Variants in MBD5 observed in about 807,000 individuals in gnomAD.
MBD5 encodes methyl-CpG-binding domain protein 5.
Under a neutral mutation model 117.3 loss-of-function variants are expected in MBD5, and 13 were observed. That is an observed-to-expected ratio of 0.11 (90% CI 0.07 to 0.18). MBD5 has a LOEUF of 0.18. Among genes scored for constraint, MBD5 ranks in the 10% least tolerant of loss-of-function variants. The pLI, the probability that MBD5 is intolerant of heterozygous loss-of-function variation, is 1.00. For synonymous variants in MBD5, 727 were observed against 766.4 expected, an observed-to-expected ratio of 0.95 and a Z score of 0.85; for missense variants, 1,879 against 2,093.8, an observed-to-expected ratio of 0.90 and a Z score of 2.00.
intron 3 of MBD5, among the ~76,000 whole-genome samples, chr2:148,297,075 G>C (rs555193692): frequency 7.3e-5 from 11 of 151,632 alleles, no homozygotes; most frequent in Non-Finnish European, 1.6e-4. Context: ...AGTAGAAACG[G>C]GGTTTCACCG....
chr2:148,170,732 G>T (rs989171937), intron 1 of MBD5, among the ~76,000 whole-genome samples: 1 of 152,078 alleles, frequency 6.6e-6, no homozygotes, highest in Non-Finnish European at 1.5e-5. Context: ...AGTAGAAAGC[G>T]TATTTTCTTT....
At chr2:148,170,975 G>A (rs1208089757) in intron 1 of MBD5, among the ~76,000 whole-genome samples, 2 of 152,130 alleles carry the variant, frequency 1.3e-5, no homozygotes, top group Non-Finnish European at 2.9e-5. Context: ...GACAAGTAAG[G>A]AGATTGAATT....
rs140946621 is a variant in MBD5 at position 148,508,985 on chromosome 2, A to C, written c.5037-1075A>C. On this transcript the variant is annotated intron_variant, in intron 12 of 13. Coordinates refer to ENST00000642680, the MANE Select transcript of MBD5 (RefSeq NM_001378120.1). ...GGGAAAGCTATGGTAAACTGAACTA[A>C]AGTTCAAAAATGTTTCAAAACACTA... 3.9e-3 allele frequency among the ~76,000 whole-genome samples: 592 copies of C among 152,228 alleles called. 2 individuals carry two copies. The highest frequency in any genetic ancestry group is 7.2e-3 in the Non-Finnish European group (489 of 68,000).
chr2:148,469,699 G>A lies in MBD5; in HGVS notation c.1756G>A (p.Ala586Thr). 7 of 1,613,934 alleles carry A rather than the reference G, an allele frequency of 4.3e-6. No homozygotes were observed. Among genetic ancestry groups the A allele is most frequent in the Non-Finnish European group, 5.9e-6 (7 of 1,179,892 alleles). Residue 586 changes from alanine to threonine, a missense_variant, in exon 8 of 14, where the codon GCA (alanine) becomes ACA (threonine). Coordinates refer to ENST00000642680, the MANE Select transcript of MBD5 (RefSeq NM_001378120.1). The stretch of plus-strand genomic sequence containing the variant: ...TAGTTTACTCTCAGCAGCAGCCAAA[G>A]CACAGCTAGCAAATCAAAACAAACT... ...ASSLLSAAAK[A>T]QLANQNKLAG...
chr2:148,252,116 A>C (rs1308145453), intron 3 of MBD5, among the ~76,000 whole-genome samples: 1 of 152,156 alleles, frequency 6.6e-6, no homozygotes, highest in Non-Finnish European at 1.5e-5. Flanking sequence ...GGATCAGGGG[A>C]TAGTTCCATA....
At chr2:148,341,629 A>G (rs1001098589) in intron 3 of MBD5, among the ~76,000 whole-genome samples, 3 of 151,862 alleles carry the variant, frequency 2.0e-5, no homozygotes, top group African/African-American at 7.3e-5. Context: ...TTTTGTTTTT[A>G]GTGGTGACGG....
chr2:148,021,484 C>CTGCTGCTGCTGCTGT lies in MBD5; in HGVS notation c.-1112_-1111insGTTGCTGCTGCTGCT. The CTGCTGCTGCTGCTGT allele has an allele frequency of 1.8e-6, 1 of 564,072 alleles. No individual in the cohort carries two copies. The highest frequency in any genetic ancestry group is 3.4e-6 in the Non-Finnish European group (1 of 292,332). 34.9% of individuals were successfully genotyped at this position (564,072 alleles called of 1,614,324 possible). On this transcript the variant is annotated 5_prime_UTR_variant, in exon 1 of 14. Transcript: ENST00000642680. ...GCTGTTGCTGCTGCTGCTGCTGTTG[C>CTGCTGCTGCTGCTGT]TGCTGCTGCTGCTACTGCTGCTGCT...
chr2:148,253,990 C>T (rs182443721), intron 3 of MBD5, among the ~76,000 whole-genome samples: 6 of 152,286 alleles, frequency 3.9e-5, no homozygotes, highest in East Asian at 1.9e-4. Flanking sequence ...TTACTTTCCA[C>T]GCTCTAGGCC....
intron 1 of MBD5, among the ~76,000 whole-genome samples, chr2:148,069,097 GA>G (rs950163005): frequency 2.0e-5 from 3 of 151,910 alleles, no homozygotes; most frequent in African/African-American, 7.3e-5. Context: ...GGATACATGA[GA>G]AAAAAAATTC....
chr2:148,171,188 A>T (rs976898892), intron 1 of MBD5, among the ~76,000 whole-genome samples: 5 of 152,192 alleles, frequency 3.3e-5, no homozygotes, highest in African/African-American at 1.2e-4. Context: ...AAAAAAAGAA[A>T]ATTACAGGCC....
At chr2:148,341,028 T>G (rs1336472628) in intron 3 of MBD5, among the ~76,000 whole-genome samples, 1 of 152,032 alleles carries the variant, frequency 6.6e-6, no homozygotes, top group East Asian at 1.9e-4. Flanking sequence ...TCTAAGCAAG[T>G]GAGTGGTAAT....
intron 12 of MBD5, among the ~76,000 whole-genome samples, chr2:148,509,521 C>A (rs1682148761): frequency 6.6e-6 from 1 of 152,208 alleles, no homozygotes; most frequent in Non-Finnish European, 1.5e-5. Context: ...GCCTCAGGTG[C>A]GTCAGAGTTA....
intron 3 of MBD5, among the ~76,000 whole-genome samples, chr2:148,241,677 A>C (rs1700219801): frequency 6.6e-6 from 1 of 152,088 alleles, no homozygotes. Flanking sequence ...AGCAAGTAAG[A>C]CTGTGGCTTT....
chr2:148,489,688 T>C lies in MBD5; in HGVS notation c.4056T>C (p.Ala1352=). 6.2e-7 allele frequency: 1 copy of C among 1,614,124 alleles called. No individual in the cohort carries two copies. The highest frequency in any genetic ancestry group is 8.5e-7 in the Non-Finnish European group (1 of 1,180,032). ...CAACTCAGATCAGCCCCATTCCAGC[T>C]CTGAGTGCCATGAGTGCCTTCACTG... is the stretch of plus-strand genomic sequence containing the variant. ...NSTTQISPIP[A]LSAMSAFTAS... Residue 1352 remains alanine (A), a synonymous_variant, in exon 11 of 14, where the codon GCT becomes GCC. Transcript: ENST00000642680.
chr2:148,477,528 A>C (rs1339038582), intron 8 of MBD5, among the ~76,000 whole-genome samples: 1 of 152,146 alleles, frequency 6.6e-6, no homozygotes, highest in Admixed American at 6.6e-5. Flanking sequence ...CCTCTTACTA[A>C]AACTTGAGAA....
At chr2:148,117,940 A>G (rs1013269817) in intron 1 of MBD5, among the ~76,000 whole-genome samples, 1 of 152,190 alleles carries the variant, frequency 6.6e-6, no homozygotes, top group Admixed American at 6.5e-5. Flanking sequence ...TCAGTGAAAA[A>G]GAGTTTTTGA....
rs140398717 is a variant in MBD5, at chr2:148,215,325, A to G, written c.-830-17920A>G. On this transcript the variant is annotated intron_variant, in intron 2 of 13. Coordinates refer to ENST00000642680, the MANE Select transcript of MBD5 (RefSeq NM_001378120.1). ...GTAAATCAGTGACATAAATAATCCC[A>G]TATGTTCACTTGCCTTGAATTATCA... Among the ~76,000 whole-genome samples the G allele has an allele frequency of 2.5e-3, 381 of 152,330 alleles. 1 individual carries two copies. The highest frequency in any genetic ancestry group is 8.9e-3 in the African/African-American group (370 of 41,578).
At chr2:148,402,802 T>A (rs543445504) in intron 4 of MBD5, among the ~76,000 whole-genome samples, 41 of 152,306 alleles carry the variant, frequency 2.7e-4, no homozygotes, top group African/African-American at 8.9e-4. Context: ...GTTTTGATTA[T>A]CACAAATGGC....
intron 4 of MBD5, among the ~76,000 whole-genome samples, chr2:148,394,525 T>C (rs12467297): frequency 0.11 from 15,753 of 145,230 alleles, 1,017 homozygotes; most frequent in African/African-American, 0.17. Flanking sequence ...GTTAATTCCC[T>C]TTTTTCATTC....
Sources: gnomAD v4.1 joint callset for allele counts (sites outside exome capture counted in the v4.1 genomes callset) on GRCh38, gnomAD v4.1.1 for gene constraint, MANE v1.5 for transcripts, NCBI Gene and HGNC (gene_info 2026-07-23, HGNC 2026-07-21) for gene names.